SLC14A2: variants seen among roughly 807,000 people sequenced by gnomAD.
The protein encoded by SLC14A2 is urea transporter 2.
SLC14A2 carries 91 observed loss-of-function variants against 104.6 expected under a neutral mutation model. The ratio of observed to expected loss-of-function variants is 0.87; its 90% CI spans 0.73 to 1.04. SLC14A2 has a LOEUF of 1.04. Among genes scored for constraint, SLC14A2 ranks in the 50% least tolerant of loss-of-function variants. The pLI, the probability that SLC14A2 is intolerant of heterozygous loss-of-function variation, is 0.00. For synonymous variants in SLC14A2, 476 were observed against 466.4 expected (o/e 1.02, Z -0.27); for missense variants, 1,189 against 1,156.0 (o/e 1.03, Z -0.41).
At position 45,285,665 on chromosome 18, in the gene SLC14A2, C is replaced by G. The variant is rs928982673; in HGVS notation, c.-125+72474C>G. ...ACTCCTGACCTCAGGTGATCTGCCC[C>G]CCCCCCCCCTCGGCCTCCCAAAGTG... On this transcript the variant is annotated intron_variant, in intron 1 of 20. Coordinates refer to the SLC14A2 transcript ENST00000586448. 5.1e-5 allele frequency among the ~76,000 whole-genome samples: 4 copies of G among 77,718 alleles called. 1 individual carries two copies. The highest frequency in any genetic ancestry group is 9.9e-4 in the South Asian group (2 of 2,014). 51.0% of individuals were successfully genotyped at this position (77,718 alleles called of 152,430 possible).
intron 1 of SLC14A2, among the ~76,000 whole-genome samples, chr18:45,383,706 G>A (rs979263760): frequency 6.6e-6 from 1 of 152,106 alleles, no homozygotes; most frequent in Non-Finnish European, 1.5e-5. Flanking sequence ...CTGCCACCCA[G>A]GCTTAATCTT....
At chr18:45,380,332 A>C (rs1598737899) in intron 1 of SLC14A2, among the ~76,000 whole-genome samples, 1 of 152,274 alleles carries the variant, frequency 6.6e-6, no homozygotes, top group East Asian at 1.9e-4. Flanking sequence ...TGGGTTTATT[A>C]CTCTTTGTAG....
At chr18:45,463,915 G>A (rs928030662) in intron 1 of SLC14A2, among the ~76,000 whole-genome samples, 1 of 152,166 alleles carries the variant, frequency 6.6e-6, no homozygotes, top group Admixed American at 6.5e-5. Flanking sequence ...AGCTGAAAAG[G>A]CTCAAATCAG....
intron 1 of SLC14A2, among the ~76,000 whole-genome samples, chr18:45,419,805 T>G (rs894969430): frequency 3.3e-5 from 5 of 151,844 alleles, no homozygotes; most frequent in Non-Finnish European, 7.4e-5. Context: ...AGTTTTATTT[T>G]ATGTAATTAA....
At chr18:45,191,147 C>G in the SLC14A2 span, among the ~76,000 whole-genome samples, 1 of 152,116 alleles carries the variant, frequency 6.6e-6, no homozygotes, top group Non-Finnish European at 1.5e-5. Context: ...ACATTCTATA[C>G]TAGATTCTGA....
Position 45,326,811 on chromosome 18 carries a change from G to T in SLC14A2, c.-125+113620G>T, listed in dbSNP as rs115916128. Among the ~76,000 whole-genome samples the T allele has an allele frequency of 6.6e-3, 1,005 of 152,312 alleles. 8 individuals carry two copies. The highest frequency in any genetic ancestry group is 0.023 in the African/African-American group (943 of 41,564). On this transcript the variant is annotated intron_variant, in intron 1 of 20. Transcript: ENST00000586448. ...TCCTTCCCCCAATTCCTGTCCAGGA[G>T]TAGGAAGCCTCGTTGAAGCCTCATG...
At chr18:45,448,804 G>A (rs1329673017) in intron 1 of SLC14A2, among the ~76,000 whole-genome samples, 2 of 152,208 alleles carry the variant, frequency 1.3e-5, no homozygotes, top group African/African-American at 2.4e-5. Context: ...GAAAGAGACA[G>A]ACTGTATTTG....
chr18:45,387,414 A>G (rs1216127763), intron 1 of SLC14A2, among the ~76,000 whole-genome samples: 1 of 152,188 alleles, frequency 6.6e-6, no homozygotes, highest in African/African-American at 2.4e-5. Context: ...AGAAACAGAT[A>G]TTTATGAGAA....
At chr18:45,671,648 G>A (rs1247649294) in intron 16 of SLC14A2, among the ~76,000 whole-genome samples, 2 of 152,064 alleles carry the variant, frequency 1.3e-5, no homozygotes, top group Admixed American at 1.3e-4. Context: ...CTCTGCCCTG[G>A]GTAACAGGAG....
chr18:45,282,953 G>T (rs918417361), intron 1 of SLC14A2, among the ~76,000 whole-genome samples: 5 of 152,118 alleles, frequency 3.3e-5, no homozygotes, highest in African/African-American at 1.2e-4. Flanking sequence ...TAAAATATGC[G>T]TAGGGTGTGA....
intron 6 of SLC14A2, among the ~76,000 whole-genome samples, chr18:45,637,460 C>G (rs569123706): frequency 5.6e-4 from 86 of 152,262 alleles, no homozygotes; most frequent in African/African-American, 2.0e-3. Context: ...TACGGGGAAA[C>G]AGATAACATG....
intron 1 of SLC14A2, among the ~76,000 whole-genome samples, chr18:45,245,155 A>G (rs1299601338): frequency 6.6e-6 from 1 of 152,242 alleles, no homozygotes; most frequent in Admixed American, 6.5e-5. Flanking sequence ...CAAGGAGTGT[A>G]TAACAGGCAA....
chr18:45,274,337 C>T (rs778335250), intron 1 of SLC14A2, among the ~76,000 whole-genome samples: 3 of 152,182 alleles, frequency 2.0e-5, no homozygotes, highest in Non-Finnish European at 4.4e-5. Flanking sequence ...ATAGCAAAAT[C>T]TAAACAATCT....
At chr18:45,228,766 A>G (rs372563268) in intron 1 of SLC14A2, among the ~76,000 whole-genome samples, 9 of 152,000 alleles carry the variant, frequency 5.9e-5, no homozygotes, top group Non-Finnish European at 1.3e-4. Flanking sequence ...GCTCGTCACC[A>G]TTTTCCTTAA....
intron 1 of SLC14A2, among the ~76,000 whole-genome samples, chr18:45,456,582 G>C (rs549855823): frequency 6.6e-6 from 1 of 152,184 alleles, no homozygotes; most frequent in African/African-American, 2.4e-5. Context: ...AGCTCTAAGA[G>C]AGCAATGTGT....
intron 1 of SLC14A2, among the ~76,000 whole-genome samples, chr18:45,224,694 G>T (rs2084096662): frequency 6.6e-6 from 1 of 152,146 alleles, no homozygotes; most frequent in Admixed American, 6.5e-5. Flanking sequence ...GAACACTGTT[G>T]TTCCTATATT....
At chr18:45,548,458 C>G (rs1229055248) in intron 2 of SLC14A2, among the ~76,000 whole-genome samples, 1 of 152,210 alleles carries the variant, frequency 6.6e-6, no homozygotes, top group Non-Finnish European at 1.5e-5. Flanking sequence ...AATCCCAACA[C>G]TTTGGGAGGC....
intron 1 of SLC14A2, among the ~76,000 whole-genome samples, chr18:45,445,457 C>A (rs2144594740): frequency 6.6e-6 from 1 of 152,224 alleles, no homozygotes; most frequent in East Asian, 1.9e-4. Flanking sequence ...ATGGAGGATC[C>A]AACTGTTTAT....
chr18:45,245,833 G>A (rs1034229746), intron 1 of SLC14A2, among the ~76,000 whole-genome samples: 7 of 152,116 alleles, frequency 4.6e-5, no homozygotes, highest in African/African-American at 1.7e-4. Context: ...GAGTTCTGTT[G>A]AACACCTCTT....
Sources: allele counts gnomAD v4.1 joint callset (sites outside exome capture counted in the v4.1 genomes callset), GRCh38; gene constraint gnomAD v4.1.1; transcripts MANE v1.5; gene names NCBI Gene and HGNC (gene_info 2026-07-23, HGNC 2026-07-21).